The following SLC44A5 variants were observed in gnomAD, a reference collection of about 807,000 sequenced individuals.
SLC44A5 encodes choline transporter-like protein 5.
In SLC44A5, 57 loss-of-function variants were observed where a neutral mutation model predicts 101.8. That is an observed-to-expected ratio of 0.56 (90% CI 0.45 to 0.70). The LOEUF (loss-of-function observed/expected upper bound fraction) is 0.70. SLC44A5 is among the 30% of genes least tolerant of loss of function. SLC44A5 has a pLI of 0.00. For synonymous variants in SLC44A5, 281 were observed against 290.9 expected, an observed-to-expected ratio of 0.97 and a Z score of 0.35; for missense variants, 737 against 853.1, an observed-to-expected ratio of 0.86 and a Z score of 1.70.
intron 2 of SLC44A5, among the ~76,000 whole-genome samples, chr1:75,440,803 A>G (rs908089028): frequency 1.4e-4 from 22 of 152,102 alleles, no homozygotes; most frequent in African/African-American, 4.1e-4. Context: ...GTGATAACTC[A>G]ATTTACCAGC....
chr1:75,710,774 T>G, the SLC44A5 span, among the ~76,000 whole-genome samples: 1 of 152,022 alleles, frequency 6.6e-6, no homozygotes, highest in Admixed American at 6.6e-5. Flanking sequence ...GGTTTTACTG[T>G]GAAGATACAG....
intron 2 of SLC44A5, among the ~76,000 whole-genome samples, chr1:75,443,994 C>T (rs1187127404): frequency 6.6e-6 from 1 of 151,790 alleles, no homozygotes; most frequent in African/African-American, 2.4e-5. Context: ...TCATTTTACC[C>T]AGAGTTTTAC....
chr1:75,357,289 G>A (rs1659153291), intron 3 of SLC44A5: 1 of 452,586 alleles, frequency 2.2e-6, no homozygotes, highest in Non-Finnish European at 4.4e-6. Flanking sequence ...TGGAGGCTCA[G>A]GCAGCCTGTG....
chr1:75,374,953 A>G (rs1014223713), intron 3 of SLC44A5, among the ~76,000 whole-genome samples: 4 of 152,220 alleles, frequency 2.6e-5, no homozygotes. Flanking sequence ...AAAAAGTCAG[A>G]GTGTTTCCTT....
chr1:75,393,735 A>G (rs1228853240), intron 3 of SLC44A5, among the ~76,000 whole-genome samples: 2 of 152,220 alleles, frequency 1.3e-5, no homozygotes, highest in Non-Finnish European at 2.9e-5. Context: ...CTGTAATTAT[A>G]AACAGATTTG....
At chr1:75,383,860 A>G (rs372440336) in intron 3 of SLC44A5, among the ~76,000 whole-genome samples, 6 of 152,112 alleles carry the variant, frequency 3.9e-5, no homozygotes, top group African/African-American at 7.2e-5. Context: ...CAGATCTCTC[A>G]GCAGAAACCC....
intron 3 of SLC44A5, among the ~76,000 whole-genome samples, chr1:75,387,699 T>C (rs1661469721): frequency 9.8e-6 from 1 of 101,566 alleles, no homozygotes; most frequent in Admixed American, 1.2e-4. Context: ...GACCCAGCCA[T>C]CCCATTACTG....
chr1:75,504,626 T>C (rs1167565443), intron 2 of SLC44A5, among the ~76,000 whole-genome samples: 1 of 152,088 alleles, frequency 6.6e-6, no homozygotes, highest in African/African-American at 2.4e-5. Context: ...CTAAAAAATA[T>C]AAATCTTTTA....
the SLC44A5 span, among the ~76,000 whole-genome samples, chr1:75,701,444 C>A: frequency 6.6e-6 from 1 of 152,058 alleles, no homozygotes; most frequent in Non-Finnish European, 1.5e-5. Flanking sequence ...AGGCCTTTGA[C>A]AAAATTCAAC....
the SLC44A5 span, among the ~76,000 whole-genome samples, chr1:75,655,048 A>C: frequency 6.6e-6 from 1 of 152,164 alleles, no homozygotes; most frequent in Admixed American, 6.6e-5. Flanking sequence ...ATAAAGATTA[A>C]TCCAGATTAA....
chr1:75,659,455 A>G, the SLC44A5 span, among the ~76,000 whole-genome samples: 13,932 of 74,298 alleles, frequency 0.19, 1,222 homozygotes, highest in Admixed American at 0.21. Context: ...GAAGGAAGGA[A>G]GGAAGGAAGG....
At chr1:75,481,066 A>G (rs186152026) in intron 2 of SLC44A5, among the ~76,000 whole-genome samples, 17,272 of 152,176 alleles carry the variant, frequency 0.11, 1,325 homozygotes, top group Admixed American at 0.2. Context: ...ATATAGATCA[A>G]TGGAACAGAA....
At chr1:75,691,552 C>G in the SLC44A5 span, among the ~76,000 whole-genome samples, 12 of 151,960 alleles carry the variant, frequency 7.9e-5, no homozygotes, top group Middle Eastern at 6.8e-3. Context: ...ACGAGGGAAA[C>G]AAAATGAAAA....
intron 2 of SLC44A5, among the ~76,000 whole-genome samples, chr1:75,401,050 C>A (rs1424384302): frequency 6.6e-6 from 1 of 152,122 alleles, no homozygotes; most frequent in Non-Finnish European, 1.5e-5. Context: ...TGGCTTCCAC[C>A]CTCATTCTAC....
chr1:75,706,242 A>C, the SLC44A5 span, among the ~76,000 whole-genome samples: 1 of 152,106 alleles, frequency 6.6e-6, no homozygotes, highest in African/African-American at 2.4e-5. Context: ...TTCTTCTTTA[A>C]CTTACAAATC....
intron 1 of SLC44A5, among the ~76,000 whole-genome samples, chr1:75,552,093 A>G (rs780226636): frequency 5.9e-5 from 9 of 152,142 alleles, no homozygotes; most frequent in Non-Finnish European, 1.3e-4. Context: ...TGAAAGTGCT[A>G]TCTGAGAATA....
At chr1:75,210,732 T>A (rs1646836709) in intron 23 of SLC44A5, among the ~76,000 whole-genome samples, 1 of 152,158 alleles carries the variant, frequency 6.6e-6, no homozygotes, top group African/African-American at 2.4e-5. Flanking sequence ...CAAAATAATT[T>A]CATGCTAACA....
intron 4 of SLC44A5, among the ~76,000 whole-genome samples, chr1:75,301,842 C>A (rs1432141946): frequency 3.9e-5 from 6 of 152,068 alleles, no homozygotes; most frequent in African/African-American, 9.7e-5. Context: ...AACGCCAAAC[C>A]TTTTTCACTT....
chr1:75,250,404 G>T (rs1038953010), intron 7 of SLC44A5, among the ~76,000 whole-genome samples: 6 of 152,082 alleles, frequency 3.9e-5, no homozygotes, highest in Admixed American at 1.3e-4. Context: ...ATCTATCATT[G>T]ATGGGCATTT....
Sources: gnomAD v4.1 joint callset for allele counts (sites outside exome capture counted in the v4.1 genomes callset) on GRCh38, gnomAD v4.1.1 for gene constraint, MANE v1.5 for transcripts, NCBI Gene and HGNC (gene_info 2026-07-23, HGNC 2026-07-21) for gene names.